GPM6A: variants seen among roughly 807,000 people sequenced by gnomAD.
GPM6A encodes neuronal membrane glycoprotein M6-a.
GPM6A carries 7 observed loss-of-function variants against 32.1 expected under a neutral mutation model. The ratio of observed to expected loss-of-function variants is 0.22; its 90% confidence interval spans 0.12 to 0.41. The LOEUF (loss-of-function observed/expected upper bound fraction) is 0.41, where lower values mean the gene tolerates loss of function less well. GPM6A is among the 10% of genes least tolerant of loss of function. The probability of loss-of-function intolerance (pLI) is 1.00; values close to 1 mark genes in which losing one functional copy is unlikely to be tolerated. For synonymous variants in GPM6A, 130 were observed against 123.4 expected, an observed-to-expected ratio of 1.05 and a Z score of -0.35; for missense variants, 235 against 347.2, an observed-to-expected ratio of 0.68 and a Z score of 2.57.
intron 1 of GPM6A, among the ~76,000 whole-genome samples, chr4:175,720,522 G>A: frequency 6.6e-6 from 1 of 152,124 alleles, no homozygotes; most frequent in Non-Finnish European, 1.5e-5. Flanking sequence ...CAGCACTCCT[G>A]TACTGTGGGC....
At chr4:175,669,195 T>C (rs1742915541) in intron 3 of GPM6A, among the ~76,000 whole-genome samples, 1 of 152,218 alleles carries the variant, frequency 6.6e-6, no homozygotes, top group African/African-American at 2.4e-5. Flanking sequence ...AATTTGATTT[T>C]AAGCTATGGA....
At chr4:175,653,578 C>T (rs183774314) in intron 3 of GPM6A, among the ~76,000 whole-genome samples, 19 of 152,006 alleles carry the variant, frequency 1.2e-4, no homozygotes, top group Admixed American at 7.9e-4. Flanking sequence ...TTTAAATCAC[C>T]GAAGGAAGGA....
intron 1 of GPM6A, among the ~76,000 whole-genome samples, chr4:175,876,413 C>T (rs190415581): frequency 6.6e-6 from 1 of 152,186 alleles, no homozygotes; most frequent in Admixed American, 6.5e-5. Flanking sequence ...CAAAATTAGA[C>T]TTTGCATTTT....
chr4:175,683,967 G>C (rs1579381122), intron 2 of GPM6A, among the ~76,000 whole-genome samples: 1 of 151,992 alleles, frequency 6.6e-6, no homozygotes, highest in East Asian at 1.9e-4. Context: ...GAATTGCTGG[G>C]ATTACAGCCG....
intron 4 of GPM6A, among the ~76,000 whole-genome samples, chr4:175,649,118 C>T (rs79244890): frequency 1.5e-3 from 225 of 152,246 alleles, no homozygotes; most frequent in African/African-American, 5.2e-3. Context: ...AATCCCAGCA[C>T]GGCCTGCTGG....
At chr4:175,750,751 T>G (rs1458886137) in intron 1 of GPM6A, among the ~76,000 whole-genome samples, 1 of 152,024 alleles carries the variant, frequency 6.6e-6, no homozygotes, top group Non-Finnish European at 1.5e-5. Flanking sequence ...TTCCTGTATT[T>G]TTAGTAAAGA....
intron 1 of GPM6A, among the ~76,000 whole-genome samples, chr4:175,949,712 C>T (rs1274849103): frequency 6.6e-6 from 1 of 152,094 alleles, no homozygotes; most frequent in East Asian, 1.9e-4. Flanking sequence ...TTTCAGAGTC[C>T]TCAGAAGTTT....
intron 4 of GPM6A, among the ~76,000 whole-genome samples, chr4:175,650,017 G>T (rs186353112): frequency 6.6e-6 from 1 of 152,120 alleles, no homozygotes; most frequent in Non-Finnish European, 1.5e-5. Flanking sequence ...CTAAGCAGCT[G>T]TTCTGCAGTG....
At chr4:175,936,543 T>C (rs926840969) in intron 1 of GPM6A, among the ~76,000 whole-genome samples, 2 of 151,990 alleles carry the variant, frequency 1.3e-5, no homozygotes, top group African/African-American at 4.8e-5. Flanking sequence ...AGGCATTCAA[T>C]AGGTATTTTA....
At chr4:175,820,345 G>A (rs1431212069) in intron 1 of GPM6A, among the ~76,000 whole-genome samples, 1 of 151,908 alleles carries the variant, frequency 6.6e-6, no homozygotes, top group Non-Finnish European at 1.5e-5. Context: ...CCTACCTCCT[G>A]TTAATAATCA....
chr4:175,673,865 C>A (rs1743219447), intron 2 of GPM6A, 29 bp from the exon 3 acceptor site: 1 of 1,521,472 alleles, frequency 6.6e-7, no homozygotes, highest in Non-Finnish European at 9.0e-7. Context: ...TGATTTATTT[C>A]AATAACTTTT....
intron 3 of GPM6A, among the ~76,000 whole-genome samples, chr4:175,660,152 C>A (rs979192158): frequency 1.3e-5 from 2 of 151,970 alleles, no homozygotes; most frequent in Non-Finnish European, 2.9e-5. Context: ...GTAATCCCAG[C>A]AATTTGGGAG....
chr4:175,894,765 T>C (rs1324748843), intron 1 of GPM6A, among the ~76,000 whole-genome samples: 3 of 152,134 alleles, frequency 2.0e-5, no homozygotes, highest in Non-Finnish European at 4.4e-5. Flanking sequence ...AAACACACTC[T>C]AGTATCATTT....
intron 1 of GPM6A, among the ~76,000 whole-genome samples, chr4:175,712,563 T>C (rs1169113170): frequency 6.6e-6 from 1 of 152,228 alleles, no homozygotes; most frequent in Non-Finnish European, 1.5e-5. Context: ...TAAGACCTTT[T>C]TGTGTCTATG....
intron 3 of GPM6A, 107 bp from the exon 4 acceptor site, chr4:175,652,094 C>T (rs1741842666): frequency 1.4e-6 from 1 of 734,108 alleles, no homozygotes; most frequent in Non-Finnish European, 2.2e-6. Flanking sequence ...GGATACAGTA[C>T]ATAAGTCAGT....
intron 1 of GPM6A, among the ~76,000 whole-genome samples, chr4:175,752,399 T>C (rs905449031): frequency 2.6e-5 from 4 of 152,112 alleles, no homozygotes; most frequent in South Asian, 2.1e-4. Context: ...GCCGAGCCTT[T>C]TTCCGTGCTG....
intron 1 of GPM6A, chr4:175,960,621 G>C (rs1740135503): frequency 1.3e-5 from 2 of 152,050 alleles, no homozygotes; most frequent in Non-Finnish European, 2.9e-5. Context: ...TCCCTTCCCT[G>C]TGTCCATGTA....
Position 175,634,950 on chromosome 4 carries a change from G to A in GPM6A, c.792C>T (p.Asp264=), listed in dbSNP as rs749595787. 12 of 1,613,558 alleles carry A rather than the reference G, an allele frequency of 7.4e-6. No individual in the cohort carries two copies. The Admixed American group carries it at 2.0e-4, about 27-fold the overall frequency. Residue 264 remains aspartate (D), a synonymous_variant, in exon 7 of 7, where the codon GAC becomes GAT. Coordinates refer to ENST00000393658, the MANE Select transcript of GPM6A (RefSeq NM_201591.3). ...IKSKEEQELH[D]IHSTRSKERL... ...GCTCTTTGGAGCGAGTAGAGTGGAT[G>A]TCATGAAGCTCTTGCTCTTCCTTCG...
At chr4:175,891,864 A>G (rs1737659686) in intron 1 of GPM6A, 1 of 152,216 alleles carries the variant, frequency 6.6e-6, no homozygotes, top group Non-Finnish European at 1.5e-5. Flanking sequence ...TATAGTACTA[A>G]ATAAAGAATA....
Sources: gnomAD v4.1 joint callset for allele counts (sites outside exome capture counted in the v4.1 genomes callset) on GRCh38, gnomAD v4.1.1 for gene constraint, MANE v1.5 for transcripts, NCBI Gene and HGNC (gene_info 2026-07-23, HGNC 2026-07-21) for gene names.